The following ATRNL1 variants were observed in gnomAD, a reference collection of about 807,000 sequenced individuals.
ATRNL1 encodes attractin like 1, also known as attractin-like protein 1.
In ATRNL1, 95 loss-of-function variants were observed where a neutral mutation model predicts 182.7. That is an observed-to-expected ratio of 0.52 (90% confidence interval 0.44 to 0.62). The LOEUF (loss-of-function observed/expected upper bound fraction) is 0.62, where lower values mean the gene tolerates loss of function less well. ATRNL1 is among the 20% of genes least tolerant of loss of function. The pLI is 0.00. For missense variants in ATRNL1, 1,471 were observed against 1,679.5 expected (o/e 0.88, Z 2.17); for synonymous variants, 576 against 568.3 (o/e 1.01, Z -0.19).
intron 28 of ATRNL1, among the ~76,000 whole-genome samples, chr10:115,938,920 G>A (rs1050199172): frequency 6.6e-6 from 1 of 152,094 alleles, no homozygotes; most frequent in Non-Finnish European, 1.5e-5. Flanking sequence ...GGAGGAATAA[G>A]TTTTAATGAT....
intron 20 of ATRNL1, among the ~76,000 whole-genome samples, chr10:115,397,983 A>G (rs1191561191): frequency 2.0e-5 from 3 of 151,938 alleles, no homozygotes; most frequent in Non-Finnish European, 4.4e-5. Context: ...CTGGAAACTG[A>G]TAAGAAGAGA....
chr10:115,166,867 T>G (rs1554884489), intron 7 of ATRNL1, among the ~76,000 whole-genome samples: 1 of 151,974 alleles, frequency 6.6e-6, no homozygotes, highest in Non-Finnish European at 1.5e-5. Context: ...TTGTTGAGAG[T>G]GTCCTTTGAT....
At chr10:115,926,742 A>G (rs1953248287) in intron 28 of ATRNL1, among the ~76,000 whole-genome samples, 1 of 152,176 alleles carries the variant, frequency 6.6e-6, no homozygotes, top group Non-Finnish European at 1.5e-5. Flanking sequence ...GACCAATAAC[A>G]AGTTCTGAAA....
At chr10:115,372,011 A>G (rs1554948191) in intron 19 of ATRNL1, among the ~76,000 whole-genome samples, 3 of 152,144 alleles carry the variant, frequency 2.0e-5, no homozygotes, top group African/African-American at 4.8e-5. Context: ...TTCTCTGCAC[A>G]AGCTCTCTTC....
chr10:115,103,588 T>C (rs898873146), intron 1 of ATRNL1, among the ~76,000 whole-genome samples: 14 of 152,108 alleles, frequency 9.2e-5, no homozygotes, highest in African/African-American at 3.4e-4. Flanking sequence ...CACATCAGGG[T>C]AAATAGGGTA....
At chr10:115,298,813 G>A (rs1554923500) in intron 15 of ATRNL1, among the ~76,000 whole-genome samples, 1 of 151,896 alleles carries the variant, frequency 6.6e-6, no homozygotes, top group Non-Finnish European at 1.5e-5. Context: ...CCTACTATAT[G>A]TACAGTACTT....
intron 25 of ATRNL1, among the ~76,000 whole-genome samples, chr10:115,525,765 C>A (rs568965865): frequency 1.9e-4 from 29 of 152,146 alleles, no homozygotes; most frequent in Non-Finnish European, 3.8e-4. Context: ...CTGGAATCCT[C>A]AGTAGGGTAT....
chr10:115,561,916 C>G (rs141398959), intron 26 of ATRNL1, among the ~76,000 whole-genome samples: 1 of 152,230 alleles, frequency 6.6e-6, no homozygotes, highest in East Asian at 1.9e-4. Context: ...AGATTCCTCA[C>G]ACATTGTTGT....
intron 8 of ATRNL1, among the ~76,000 whole-genome samples, chr10:115,187,107 CAAAA>C (rs1847971516): frequency 6.6e-6 from 1 of 151,258 alleles, no homozygotes; most frequent in African/African-American, 2.4e-5. Flanking sequence ...GTAAAAAAGA[CAAAA>C]GATAACAAGT....
At chr10:115,623,886 C>G (rs1452146073) in intron 26 of ATRNL1, among the ~76,000 whole-genome samples, 1 of 151,846 alleles carries the variant, frequency 6.6e-6, no homozygotes, top group Non-Finnish European at 1.5e-5. Context: ...TCAACGGGGC[C>G]AAGCAGTCTA....
At chr10:115,304,294 A>G (rs188879116) in intron 17 of ATRNL1, among the ~76,000 whole-genome samples, 7 of 152,056 alleles carry the variant, frequency 4.6e-5, no homozygotes, top group Admixed American at 4.6e-4. Context: ...AGCAATATTT[A>G]TTTTCTGCCC....
chr10:115,108,220 C>T (rs1460820872), intron 1 of ATRNL1, among the ~76,000 whole-genome samples: 1 of 152,138 alleles, frequency 6.6e-6, no homozygotes, highest in African/African-American at 2.4e-5. Flanking sequence ...TTAAAAGTAG[C>T]CACGCAGCTC....
intron 25 of ATRNL1, among the ~76,000 whole-genome samples, chr10:115,532,562 C>A (rs1191240146): frequency 1.3e-5 from 2 of 151,682 alleles, no homozygotes; most frequent in Non-Finnish European, 2.9e-5. Flanking sequence ...ACAATCATGT[C>A]GTCTGCAAAC....
chr10:115,268,706 A>T (rs1263629150), intron 13 of ATRNL1, among the ~76,000 whole-genome samples: 2 of 152,154 alleles, frequency 1.3e-5, no homozygotes, highest in Admixed American at 6.6e-5. Context: ...TTCAAAACTG[A>T]TATTGAAAAA....
intron 19 of ATRNL1, among the ~76,000 whole-genome samples, chr10:115,375,265 G>A (rs568769932): frequency 1.3e-3 from 196 of 151,596 alleles, no homozygotes; most frequent in Non-Finnish European, 2.1e-3. Context: ...TTAGATTAAG[G>A]TCTGTTTTGT....
intron 1 of ATRNL1, among the ~76,000 whole-genome samples, chr10:115,112,061 A>G (rs1289098029): frequency 7.5e-6 from 1 of 133,126 alleles, no homozygotes; most frequent in Non-Finnish European, 1.6e-5. Flanking sequence ...ACAAAACAAA[A>G]AAAACCCAAA....
chr10:115,733,877 T>C (rs1947872475), intron 27 of ATRNL1, among the ~76,000 whole-genome samples: 1 of 152,198 alleles, frequency 6.6e-6, no homozygotes, highest in Admixed American at 6.5e-5. Flanking sequence ...AATTAAAATA[T>C]TTCATTATCC....
chr10:115,845,007 T>C (rs1950895757), intron 27 of ATRNL1, among the ~76,000 whole-genome samples: 1 of 151,686 alleles, frequency 6.6e-6, no homozygotes, highest in African/African-American at 2.4e-5. Context: ...AAAGAGATGT[T>C]TGGGTTTTTT....
chr10:115,103,139 G>A (rs145577875), intron 1 of ATRNL1, among the ~76,000 whole-genome samples: 2,169 of 150,578 alleles, frequency 0.014, 49 homozygotes, highest in African/African-American at 0.049. Context: ...CTGGGTTCAC[G>A]CGATTCTCGT....
Sources: allele counts gnomAD v4.1 joint callset (sites outside exome capture counted in the v4.1 genomes callset), GRCh38; gene constraint gnomAD v4.1.1; transcripts MANE v1.5; gene names NCBI Gene and HGNC (gene_info 2026-07-23, HGNC 2026-07-21).